TRIM37: variants seen among roughly 807,000 people sequenced by gnomAD.
The protein encoded by TRIM37 is E3 ubiquitin-protein ligase TRIM37.
TRIM37 carries 80 observed loss-of-function variants against 129.8 expected under a neutral mutation model. The observed-to-expected ratio is 0.62, with a 90% CI of 0.51 to 0.74. TRIM37 has a LOEUF of 0.74. TRIM37 is among the 30% of genes least tolerant of loss of function. The probability of loss-of-function intolerance (pLI) is 0.00; values close to 1 mark genes in which losing one functional copy is unlikely to be tolerated. For missense variants in TRIM37, 1,054 were observed against 1,176.5 expected, an observed-to-expected ratio of 0.90 and a Z score of 1.52; for synonymous variants, 389 against 387.1, an observed-to-expected ratio of 1.00 and a Z score of -0.06.
chr17:59,001,454 TAAAA>T (rs372784759), intron 23 of TRIM37, 140 bp downstream of exon 23: 21 of 777,466 alleles, frequency 2.7e-5, no homozygotes, highest in Non-Finnish European at 3.8e-5. Flanking sequence ...TGACAATAAT[TAAAA>T]AAAAAAAAAA....
At chr17:59,087,245 A>G (rs2043839902) in intron 4 of TRIM37, among the ~76,000 whole-genome samples, 1 of 151,834 alleles carries the variant, frequency 6.6e-6, no homozygotes, top group African/African-American at 2.4e-5. Flanking sequence ...ATAGGCGTCC[A>G]CCACGACGCC....
intron 7 of TRIM37, among the ~76,000 whole-genome samples, chr17:59,076,268 C>T (rs1486384984): frequency 6.6e-6 from 1 of 152,202 alleles, no homozygotes; most frequent in East Asian, 1.9e-4. Context: ...CTGGCCGGGG[C>T]CATGGCTCAT....
chr17:59,039,016 G>A (rs2038856679), intron 17 of TRIM37, among the ~76,000 whole-genome samples: 1 of 152,136 alleles, frequency 6.6e-6, no homozygotes, highest in Admixed American at 6.5e-5. Context: ...CCATGGACTG[G>A]TTCTGGCCCG....
At chr17:59,062,318 T>G (rs2041563737) in intron 11 of TRIM37, among the ~76,000 whole-genome samples, 1 of 152,126 alleles carries the variant, frequency 6.6e-6, no homozygotes, top group African/African-American at 2.4e-5. Context: ...AGGCAAAAAC[T>G]GTTTTCAACA....
chr17:59,100,960 TGCAGTGA>T (rs1046123422), intron 2 of TRIM37, among the ~76,000 whole-genome samples: 20 of 149,394 alleles, frequency 1.3e-4, no homozygotes, highest in African/African-American at 4.9e-4. Context: ...AGATGGAGGT[TGCAGTGA>T]GCGGAGATCG....
chr17:59,016,348 C>T (rs1003903224), intron 20 of TRIM37, among the ~76,000 whole-genome samples: 10 of 146,338 alleles, frequency 6.8e-5, no homozygotes, highest in Non-Finnish European at 1.5e-4. Flanking sequence ...GAGCCGAGAT[C>T]GCACCATTGC....
chr17:59,061,199 C>A (rs1488700560), intron 11 of TRIM37, 91 bp from the exon 12 acceptor site: 15 of 957,900 alleles, frequency 1.6e-5, no homozygotes, highest in Non-Finnish European at 2.5e-5. Context: ...TTGAGAAGTA[C>A]TTCTAAGCCT....
At chr17:59,044,878 G>T (rs1041824093) in intron 16 of TRIM37, among the ~76,000 whole-genome samples, 1 of 152,168 alleles carries the variant, frequency 6.6e-6, no homozygotes, top group African/African-American at 2.4e-5. Flanking sequence ...CATATAAAAA[G>T]AATCATGAGC....
intron 22 of TRIM37, 70 bp downstream of exon 22, chr17:59,012,258 C>CACA: frequency 9.5e-7 from 1 of 1,058,000 alleles, no homozygotes; most frequent in Non-Finnish European, 1.4e-6. Context: ...CCACCACCAC[C>CACA]CACCACCCAC....
intron 24 of TRIM37, among the ~76,000 whole-genome samples, chr17:58,986,178 C>G (rs1242294822): frequency 6.6e-6 from 1 of 152,034 alleles, no homozygotes; most frequent in Non-Finnish European, 1.5e-5. Context: ...CACCCGCCCC[C>G]TGTTGCTGTC....
intron 19 of TRIM37, among the ~76,000 whole-genome samples, chr17:59,018,619 T>C (rs1030115683): frequency 2.0e-5 from 3 of 151,960 alleles, no homozygotes; most frequent in Non-Finnish European, 2.9e-5. Context: ...AGCAAAGACA[T>C]CCTGTGTTCA....
At chr17:59,007,409 T>A (rs1346580557) in intron 22 of TRIM37, among the ~76,000 whole-genome samples, 2 of 152,114 alleles carry the variant, frequency 1.3e-5, no homozygotes, top group Admixed American at 1.3e-4. Flanking sequence ...TCTTAATAAT[T>A]ACCCTAAATG....
At position 59,091,350 on chromosome 17, in the gene TRIM37, CA is replaced by C; in HGVS notation, c.124-11del. 3 of 1,529,618 alleles carry C rather than the reference CA, an allele frequency of 2.0e-6. No individual in the cohort carries two copies. The highest frequency in any genetic ancestry group is 2.4e-5 in the South Asian group (2 of 83,282). 94.8% of individuals were successfully genotyped at this position (1,529,618 alleles called of 1,614,324 possible). A position where few individuals can be genotyped will look rare whatever the true frequency, so the allele number is the denominator to read the frequency against. ...GCTCTGTCAGCCAGCGCTAAGGGGG[CA>C]AAAGATTAGATATCGATTAGAAAAC... On this transcript the variant is annotated splice_polypyrimidine_tract_variant and intron_variant, in intron 2 of 23. Transcript: ENST00000262294.
At chr17:59,089,527 G>A (rs1390188983) in intron 3 of TRIM37, among the ~76,000 whole-genome samples, 1 of 152,050 alleles carries the variant, frequency 6.6e-6, no homozygotes, top group Non-Finnish European at 1.5e-5. Context: ...TGTAATCCCA[G>A]CTACTTGGGA....
intron 19 of TRIM37, 48 bp from the exon 20 acceptor site, chr17:59,017,472 AACTC>A (rs2036094291): frequency 6.2e-7 from 1 of 1,613,248 alleles, no homozygotes; most frequent in Non-Finnish European, 8.5e-7. Context: ...TACAGCACAA[AACTC>A]ACTATTTAGT....
intron 10 of TRIM37, 198 bp downstream of exon 10, chr17:59,064,157 G>A (rs2041735539): frequency 1.9e-6 from 1 of 538,112 alleles, no homozygotes; most frequent in African/African-American, 2.0e-5. Flanking sequence ...CCTTTTCCCA[G>A]ACTAGAGAAG....
chr17:59,032,908 A>C (rs2038047280), intron 17 of TRIM37, among the ~76,000 whole-genome samples: 1 of 152,148 alleles, frequency 6.6e-6, no homozygotes, highest in Admixed American at 6.5e-5. Context: ...TACAATTTGA[A>C]GTTTTTGGAC....
intron 12 of TRIM37, chr17:59,059,169 CAAG>C (rs2064146797): frequency 6.6e-6 from 1 of 151,984 alleles, no homozygotes; most frequent in African/African-American, 2.4e-5. Flanking sequence ...GATACGAGTT[CAAG>C]ACCAGCCTGG....
At chr17:58,997,857 T>C (rs531944688), downstream of TRIM37, among the ~76,000 whole-genome samples, 1 of 152,254 alleles carries the variant, frequency 6.6e-6, no homozygotes, top group South Asian at 2.1e-4. Context: ...AAATTTAGCA[T>C]AGCAGACTAC....
Sources: allele counts gnomAD v4.1 joint callset (sites outside exome capture counted in the v4.1 genomes callset), GRCh38; gene constraint gnomAD v4.1.1; transcripts MANE v1.5; gene names NCBI Gene and HGNC (gene_info 2026-07-23, HGNC 2026-07-21).